The following TTC28 variants were observed in gnomAD, a reference collection of about 807,000 sequenced individuals.
The protein encoded by TTC28 is tetratricopeptide repeat protein 28.
A neutral mutation model predicts 198.0 loss-of-function variants in TTC28; 61 were observed. The ratio of observed to expected loss-of-function variants is 0.31; its 90% confidence interval spans 0.25 to 0.38. The LOEUF (loss-of-function observed/expected upper bound fraction) is 0.38. Among genes scored for constraint, TTC28 ranks in the 10% least tolerant of loss-of-function variants. The pLI is 1.00. For missense variants in TTC28, 2,678 were observed against 3,164.0 expected (o/e 0.85, Z 3.69); for synonymous variants, 1,171 against 1,297.8 (o/e 0.90, Z 2.10).
chr22:28,065,145 G>C lies in TTC28; in HGVS notation c.3932+28935C>G, dbSNP rs534307397. 1.2e-4 allele frequency among the ~76,000 whole-genome samples: 18 copies of C among 152,266 alleles called. No homozygotes were observed. The East Asian group carries it at 3.5e-3, about 29-fold the overall frequency. On this transcript the variant is annotated intron_variant, in intron 12 of 22. Coordinates refer to ENST00000397906, the MANE Select transcript of TTC28 (RefSeq NM_001145418.2). ...GCAGCTGCAAAACCTCATTGGGTCAGCCAGGACAGACTCTTACCATGCTAG... is the reference window on the plus strand; with the variant it reads ...GCAGCTGCAAAACCTCATTGGGTCACCCAGGACAGACTCTTACCATGCTAG...
intron 5 of TTC28, among the ~76,000 whole-genome samples, chr22:28,263,076 A>G (rs1931433566): frequency 6.6e-6 from 1 of 152,186 alleles, no homozygotes; most frequent in African/African-American, 2.4e-5. Flanking sequence ...AGTGGTTTTT[A>G]AGAAAGCCCT....
intron 1 of TTC28, among the ~76,000 whole-genome samples, chr22:28,671,171 C>G (rs2051874692): frequency 6.6e-6 from 1 of 151,928 alleles, no homozygotes; most frequent in Non-Finnish European, 1.5e-5. Flanking sequence ...TCTCAAACTC[C>G]TGGGCTCAAG....
At chr22:28,017,800 T>A (rs1272698857) in intron 13 of TTC28, among the ~76,000 whole-genome samples, 1 of 152,142 alleles carries the variant, frequency 6.6e-6, no homozygotes, top group African/African-American at 2.4e-5. Context: ...GGAGGCCACC[T>A]GTGTCAACAC....
At chr22:28,319,183 C>T (rs561330361) in intron 2 of TTC28, among the ~76,000 whole-genome samples, 1 of 151,966 alleles carries the variant, frequency 6.6e-6, no homozygotes, top group Non-Finnish European at 1.5e-5. Flanking sequence ...GTTTTTTGGG[C>T]GTATATTTTT....
intron 12 of TTC28, among the ~76,000 whole-genome samples, chr22:28,071,953 T>A (rs1940998701): frequency 6.6e-6 from 1 of 152,088 alleles, no homozygotes; most frequent in Non-Finnish European, 1.5e-5. Context: ...AGTCTTAATG[T>A]GTTACTAGGA....
At chr22:28,154,958 A>C (rs1943719655) in intron 6 of TTC28, among the ~76,000 whole-genome samples, 1 of 151,936 alleles carries the variant, frequency 6.6e-6, no homozygotes, top group Non-Finnish European at 1.5e-5. Flanking sequence ...CTTCTTAGTG[A>C]CTCAAATCTC....
At chr22:28,322,983 T>C (rs1569259787) in intron 2 of TTC28, among the ~76,000 whole-genome samples, 1 of 152,334 alleles carries the variant, frequency 6.6e-6, no homozygotes, top group East Asian at 1.9e-4. Context: ...TAAGGACCTA[T>C]CTGATTACAT....
intron 2 of TTC28, among the ~76,000 whole-genome samples, chr22:28,434,447 G>T (rs557704166): frequency 6.6e-6 from 1 of 152,262 alleles, no homozygotes; most frequent in African/African-American, 2.4e-5. Context: ...ACTTTGGAAG[G>T]CTGAGACAGG....
intron 2 of TTC28, among the ~76,000 whole-genome samples, chr22:28,386,452 T>C (rs1292235856): frequency 6.6e-6 from 1 of 152,172 alleles, no homozygotes; most frequent in Non-Finnish European, 1.5e-5. Context: ...TGTGCAATCC[T>C]TGGCATTCAG....
At chr22:28,167,267 C>A (rs989844208) in intron 5 of TTC28, among the ~76,000 whole-genome samples, 11 of 152,172 alleles carry the variant, frequency 7.2e-5, no homozygotes, top group African/African-American at 2.4e-4. Context: ...GGTACCATTC[C>A]TTCTGAAACC....
At chr22:28,021,953 T>C (rs1278998475) in intron 13 of TTC28, among the ~76,000 whole-genome samples, 1 of 152,230 alleles carries the variant, frequency 6.6e-6, no homozygotes, top group Non-Finnish European at 1.5e-5. Context: ...CCCGCCATCT[T>C]CTGGGCTGTG....
intron 6 of TTC28, among the ~76,000 whole-genome samples, chr22:28,158,516 C>G (rs1943806959): frequency 6.6e-6 from 1 of 152,254 alleles, no homozygotes; most frequent in South Asian, 2.1e-4. Flanking sequence ...TCAAATTACA[C>G]TACAAAGCTA....
chr22:28,339,203 G>A (rs1601654814), intron 2 of TTC28, among the ~76,000 whole-genome samples: 3 of 152,188 alleles, frequency 2.0e-5, no homozygotes, highest in Non-Finnish European at 4.4e-5. Context: ...CTGCAGAACA[G>A]CGGATATTGG....
intron 2 of TTC28, among the ~76,000 whole-genome samples, chr22:28,513,289 A>G (rs1601492549): frequency 6.6e-6 from 1 of 152,164 alleles, no homozygotes; most frequent in Non-Finnish European, 1.5e-5. Context: ...AAAAGAGCCA[A>G]CGTAAGAGTT....
intron 5 of TTC28, among the ~76,000 whole-genome samples, chr22:28,191,068 T>C (rs774910134): frequency 1.3e-5 from 2 of 152,162 alleles, no homozygotes; most frequent in Non-Finnish European, 2.9e-5. Flanking sequence ...TTTAGTATCA[T>C]CTCCCTCCTC....
intron 2 of TTC28, among the ~76,000 whole-genome samples, chr22:28,335,348 G>A (rs1345564022): frequency 6.6e-6 from 1 of 152,040 alleles, no homozygotes; most frequent in African/African-American, 2.4e-5. Context: ...GCTCTTTTTT[G>A]GTTCCATATG....
intron 2 of TTC28, among the ~76,000 whole-genome samples, chr22:28,354,889 T>C (rs2046051332): frequency 6.6e-6 from 1 of 151,828 alleles, no homozygotes; most frequent in Non-Finnish European, 1.5e-5. Flanking sequence ...TAGTTACATA[T>C]GTATACATGT....
chr22:28,012,846 C>T (rs973766087), intron 14 of TTC28, among the ~76,000 whole-genome samples: 1 of 152,154 alleles, frequency 6.6e-6, no homozygotes, highest in African/African-American at 2.4e-5. Context: ...CTGCTCTAAC[C>T]TGTTGCATTG....
intron 6 of TTC28, among the ~76,000 whole-genome samples, chr22:28,126,395 CCA>C: frequency 6.6e-6 from 1 of 152,216 alleles, no homozygotes; most frequent in African/African-American, 2.4e-5. Flanking sequence ...TGAGGTTAAT[CCA>C]CACTCTTCAT....
Sources: allele counts gnomAD v4.1 joint callset (sites outside exome capture counted in the v4.1 genomes callset), GRCh38; gene constraint gnomAD v4.1.1; transcripts MANE v1.5; gene names NCBI Gene and HGNC (gene_info 2026-07-23, HGNC 2026-07-21).